Variants in LRRC69 observed in about 807,000 individuals in gnomAD.
LRRC69 encodes leucine rich repeat containing 69, also known as leucine-rich repeat-containing protein 69.
A neutral mutation model predicts 37.8 loss-of-function variants in LRRC69; 42 were observed. The ratio of observed to expected loss-of-function variants is 1.11; its 90% CI spans 0.87 to 1.44. The LOEUF is 1.44. Ranked by LOEUF, LRRC69 falls within the 40% of genes most tolerant of loss-of-function variation. LRRC69 has a pLI of 0.00. For synonymous variants in LRRC69, 141 were observed against 143.1 expected (o/e 0.99, Z 0.11); for missense variants, 357 against 401.9 (o/e 0.89, Z 0.96).
intron 1 of LRRC69, among the ~76,000 whole-genome samples, chr8:91,121,518 C>T (rs147883044): frequency 6.6e-6 from 1 of 152,076 alleles, no homozygotes; most frequent in Non-Finnish European, 1.5e-5. Context: ...CCATTGGGGT[C>T]TTTATTTTGA....
chr8:91,141,126 A>G (rs944233199), intron 5 of LRRC69, among the ~76,000 whole-genome samples: 2 of 152,078 alleles, frequency 1.3e-5, no homozygotes, highest in Non-Finnish European at 2.9e-5. Context: ...TGTCTTTCAG[A>G]GAATAACATA....
At chr8:91,108,715 T>C (rs1813361594) in intron 1 of LRRC69, among the ~76,000 whole-genome samples, 1 of 151,984 alleles carries the variant, frequency 6.6e-6, no homozygotes, top group South Asian at 2.1e-4. Context: ...TAAAATATTA[T>C]GAGATGTTTT....
chr8:91,195,209 T>C (rs558384970), intron 6 of LRRC69, among the ~76,000 whole-genome samples: 3,862 of 151,922 alleles, frequency 0.025, 146 homozygotes, highest in African/African-American at 0.088. Context: ...GTCTGAGAGA[T>C]AGTTTGTTAT....
chr8:91,188,307 G>T (rs186081804), intron 5 of LRRC69, among the ~76,000 whole-genome samples: 1 of 152,226 alleles, frequency 6.6e-6, no homozygotes, highest in African/African-American at 2.4e-5. Context: ...TTCATTGCAT[G>T]CTTGCTACGT....
chr8:91,215,738 C>G (rs1210410488), intron 7 of LRRC69, among the ~76,000 whole-genome samples: 1 of 152,134 alleles, frequency 6.6e-6, no homozygotes, highest in East Asian at 1.9e-4. Context: ...GCTTTGATCT[C>G]TATCTATAAA....
chr8:91,180,358 A>G (rs1809303257), intron 5 of LRRC69, among the ~76,000 whole-genome samples: 1 of 152,178 alleles, frequency 6.6e-6, no homozygotes, highest in African/African-American at 2.4e-5. Flanking sequence ...GGGCTTCTCA[A>G]CAGAGCTACC....
At chr8:91,161,345 C>T (rs562767976) in intron 5 of LRRC69, among the ~76,000 whole-genome samples, 60 of 151,202 alleles carry the variant, frequency 4.0e-4, no homozygotes, top group African/African-American at 1.3e-3. Context: ...TCTTTCTTTT[C>T]GGAATGGTTT....
intron 5 of LRRC69, chr8:91,157,401 T>C: frequency 6.2e-7 from 1 of 1,607,918 alleles, no homozygotes; most frequent in Non-Finnish European, 8.5e-7. Flanking sequence ...AGATGTATTA[T>C]TCTGCTGTGG....
At chr8:91,185,823 C>T (rs573506224) in intron 5 of LRRC69, among the ~76,000 whole-genome samples, 4 of 152,090 alleles carry the variant, frequency 2.6e-5, no homozygotes, top group Admixed American at 6.5e-5. Flanking sequence ...AAGAGTAACG[C>T]TATGAATTTT....
At chr8:91,208,178 CAT>C in intron 7 of LRRC69, among the ~76,000 whole-genome samples, 1 of 152,272 alleles carries the variant, frequency 6.6e-6, no homozygotes. Flanking sequence ...GGGTTTAAGA[CAT>C]ATGGATTTTT....
chr8:91,173,470 G>C (rs981271505), intron 5 of LRRC69, among the ~76,000 whole-genome samples: 6 of 152,148 alleles, frequency 3.9e-5, no homozygotes, highest in Middle Eastern at 3.4e-3. Flanking sequence ...TCATTTCTAA[G>C]TTTTGGCATG....
chr8:91,200,851 A>G (rs1002057147), intron 7 of LRRC69, 59 bp downstream of exon 7: 9 of 1,409,712 alleles, frequency 6.4e-6, no homozygotes, highest in African/African-American at 6.0e-5. Context: ...CTTTGTTCTT[A>G]TCTAAATCAG....
intron 5 of LRRC69, among the ~76,000 whole-genome samples, chr8:91,188,949 C>T (rs1809447350): frequency 6.6e-6 from 1 of 151,944 alleles, no homozygotes; most frequent in East Asian, 1.9e-4. Context: ...CTCAGCCTCC[C>T]GAGTAGCTGG....
At chr8:91,122,615 C>T (rs1362888883) in intron 1 of LRRC69, among the ~76,000 whole-genome samples, 1 of 152,060 alleles carries the variant, frequency 6.6e-6, no homozygotes, top group Non-Finnish European at 1.5e-5. Context: ...GGCAGGTTCA[C>T]TTGTTAGCTT....
intron 5 of LRRC69, among the ~76,000 whole-genome samples, chr8:91,185,453 C>T (rs1809392696): frequency 6.6e-6 from 1 of 152,122 alleles, no homozygotes; most frequent in Admixed American, 6.6e-5. Flanking sequence ...TCACCTCCCT[C>T]TAAGGATCTT....
Position 91,190,880 on chromosome 8 carries a change from C to A in LRRC69, c.753+1257C>A, listed in dbSNP as rs182903024. 3.1e-3 allele frequency among the ~76,000 whole-genome samples: 465 copies of A among 152,086 alleles called. 1 individual carries two copies. The highest frequency in any genetic ancestry group is 5.7e-3 in the Non-Finnish European group (387 of 67,968). ...GACCAGCCTGGCCAACAGAGTGAGA[C>A]CCCATCTCTACAAAATTTTAAAAAC... On this transcript the variant is annotated intron_variant, in intron 6 of 7. Coordinates refer to ENST00000448384, the Ensembl canonical transcript of LRRC69.
intron 6 of LRRC69, among the ~76,000 whole-genome samples, chr8:91,190,429 C>CA (rs561863934): frequency 2.0e-3 from 308 of 150,666 alleles, no homozygotes; most frequent in Non-Finnish European, 3.4e-3. Context: ...GAAATTAGGG[C>CA]AAAAAAAAGC....
intron 5 of LRRC69, among the ~76,000 whole-genome samples, chr8:91,149,732 C>G (rs1228243175): frequency 5.3e-5 from 8 of 151,854 alleles, no homozygotes; most frequent in Admixed American, 2.0e-4. Context: ...GAATGTTCTT[C>G]CATTTGTTTG....
chr8:91,155,232 T>TA (rs150111061), intron 5 of LRRC69, among the ~76,000 whole-genome samples: 13,082 of 150,574 alleles, frequency 0.087, 994 homozygotes, highest in African/African-American at 0.21. Context: ...CCCTAAAAAT[T>TA]AAAAAAAATT....
Sources: allele counts gnomAD v4.1 joint callset (sites outside exome capture counted in the v4.1 genomes callset), GRCh38; gene constraint gnomAD v4.1.1; transcripts MANE v1.5; gene names NCBI Gene and HGNC (gene_info 2026-07-23, HGNC 2026-07-21).